BICRA: variants seen among roughly 807,000 people sequenced by gnomAD.
BICRA encodes the protein BRD4 interacting chromatin remodeling complex associated protein.
BICRA carries 31 observed loss-of-function variants against 96.9 expected under a neutral mutation model. The observed-to-expected ratio is 0.32, with a 90% CI of 0.24 to 0.43. The LOEUF (loss-of-function observed/expected upper bound fraction) is 0.43. Among genes scored for constraint, BICRA ranks in the 20% least tolerant of loss-of-function variants. The pLI is 1.00. For synonymous variants in BICRA, 1,350 were observed against 1,071.8 expected (o/e 1.26, Z -5.07); for missense variants, 2,283 against 2,190.3 (o/e 1.04, Z -0.84).
In BICRA at chr19:47,614,869, C is replaced by T. The variant is rs970067052; in HGVS notation, c.-108+5701C>T. ...GGAAGGCATACGTCCGCACATGTTACAGGGAAATGAGTACGCCTGTGGGAT... is the reference window on the plus strand; with the variant it reads ...GGAAGGCATACGTCCGCACATGTTATAGGGAAATGAGTACGCCTGTGGGAT... On this transcript the variant is annotated intron_variant, in intron 1 of 14. Transcript: ENST00000594866. 3.3e-5 allele frequency among the ~76,000 whole-genome samples: 5 copies of T among 152,272 alleles called. No homozygotes were observed. In the South Asian group the frequency reaches 8.3e-4, roughly 25 times the overall value.
chr19:47,679,038 C>CCACA (rs1568568448), intron 5 of BICRA: 1 of 291,740 alleles, frequency 3.4e-6, no homozygotes, highest in Non-Finnish European at 6.3e-6. Context: ...GTAGCTAAGA[C>CCACA]CACAGGCACA....
At position 47,698,745 on chromosome 19, in the gene BICRA, C is replaced by T. The variant is rs1973389054; in HGVS notation, c.3360C>T (p.Tyr1120=). 1 of 1,609,790 alleles carries T rather than the reference C, an allele frequency of 6.2e-7. No individual in the cohort carries two copies. The highest frequency in any genetic ancestry group is 1.3e-5 in the African/African-American group (1 of 74,838). ...ALHRLLPYHV[Y]QGALPSPSDY... is the part of the protein sequence containing the mutation. ...ATCGCCTCCTGCCCTACCATGTCTA[C>T]CAGGGCGCCCTCCCCTCCCCCAGTG... is the stretch of plus-strand genomic sequence containing the variant. The change falls in exon 12 of 15, where the codon TAC becomes TAT. Residue 1120 remains tyrosine, a synonymous_variant. Transcript: ENST00000594866. This position sits in a 1 kb window ranked among gnomAD's most constrained non-coding sequence, Gnocchi z 4.8.
chr19:47,613,365 T>C (rs756057999), intron 1 of BICRA, among the ~76,000 whole-genome samples: 3 of 152,088 alleles, frequency 2.0e-5, no homozygotes, highest in African/African-American at 4.8e-5. Context: ...GGGAAGTTAA[T>C]TGGAAACAGG....
At chr19:47,651,122 CCT>C (rs1972534189) in intron 1 of BICRA, among the ~76,000 whole-genome samples, 1 of 152,134 alleles carries the variant, frequency 6.6e-6, no homozygotes, top group Admixed American at 6.6e-5. Flanking sequence ...GTGCTTCCGT[CCT>C]CACCTTCTGC....
At chr19:47,673,656 C>G (rs1219587591) in intron 3 of BICRA, 41 bp downstream of exon 3, 1 of 1,522,376 alleles carries the variant, frequency 6.6e-7, no homozygotes, top group East Asian at 2.3e-5. Flanking sequence ...CTGTCTCAAC[C>G]CCCTCCCTTC....
At chr19:47,613,667 T>C (rs1971943010) in intron 1 of BICRA, among the ~76,000 whole-genome samples, 1 of 151,938 alleles carries the variant, frequency 6.6e-6, no homozygotes. Context: ...CTGAGCTAGC[T>C]CCCTGGTAGG....
intron 4 of BICRA, among the ~76,000 whole-genome samples, chr19:47,674,404 A>G (rs946634711): frequency 6.6e-6 from 1 of 152,190 alleles, no homozygotes; most frequent in Non-Finnish European, 1.5e-5. Flanking sequence ...CGAGAATGCC[A>G]TATTTGATTT....
Position 47,702,499 on chromosome 19 carries a change from C to T in BICRA, c.*84C>T, listed in dbSNP as rs1477204676. On this transcript the variant is annotated 3_prime_UTR_variant, in exon 15 of 15. Transcript: ENST00000594866. ...GTCCGCCCTCAGCCTCCTGGGGACT[C>T]GAGCCGGGGATCCCCTGACGGTTTT... The T allele has an allele frequency of 1.5e-6, 2 of 1,369,820 alleles. No individual in the cohort carries two copies. Among genetic ancestry groups the T allele is most frequent in the Middle Eastern group, 2.6e-4 (1 of 3,788 alleles). 84.9% of individuals were successfully genotyped at this position (1,369,820 alleles called of 1,614,324 possible).
chr19:47,692,778 C>T (rs1973260745), intron 7 of BICRA, among the ~76,000 whole-genome samples: 1 of 152,174 alleles, frequency 6.6e-6, no homozygotes, highest in Non-Finnish European at 1.5e-5. Flanking sequence ...GCTGGAAGGG[C>T]CCTGGGACTT....
chr19:47,624,531 A>G (rs1390356816), intron 1 of BICRA, among the ~76,000 whole-genome samples: 1 of 152,222 alleles, frequency 6.6e-6, no homozygotes, highest in Non-Finnish European at 1.5e-5. Flanking sequence ...CTTTATTGCT[A>G]AAATATGCTG....
rs748830195 is a variant in BICRA at position 47,694,367 on chromosome 19, C to T, written c.2536C>T (p.Pro846Ser). 3.8e-6 allele frequency: 5 copies of T among 1,317,584 alleles called. No individual in the cohort carries two copies. The highest frequency in any genetic ancestry group is 1.9e-5 in the Admixed American group (1 of 51,330). The allele number at this position is 1,317,584 out of a possible 1,614,324, so 81.6% of individuals were successfully genotyped here. ...CCAAAACCAGCTAGGCGTTCCCCCG[C>T]CTGCCAGCAACCCGGCCCCTACTGC... ...VIQNQLGVPPPASNPAPTAPG... is the reference protein window; with the variant it reads ...VIQNQLGVPPSASNPAPTAPG... The change falls in exon 8 of 15, where the codon CCT (proline) becomes TCT (serine). Residue 846 changes from proline to serine, a missense_variant. Physicochemically the swap from Pro to Ser is moderately conservative, Grantham distance 74. Coordinates refer to ENST00000594866, the MANE Select transcript of BICRA (RefSeq NM_001394372.1).
intron 1 of BICRA, among the ~76,000 whole-genome samples, chr19:47,645,651 C>A (rs1972448787): frequency 6.6e-6 from 1 of 152,232 alleles, no homozygotes; most frequent in Non-Finnish European, 1.5e-5. Context: ...GCAGATAACA[C>A]AAAAGTAGCT....
At chr19:47,676,572 C>T (rs1464277376) in intron 5 of BICRA, among the ~76,000 whole-genome samples, 6 of 98,102 alleles carry the variant, frequency 6.1e-5, no homozygotes, top group African/African-American at 2.2e-4. Flanking sequence ...CTTCGGCCTC[C>T]CCCCTCCCCG....
In BICRA at chr19:47,680,995, G is replaced by A; in HGVS notation, c.1825G>A (p.Ala609Thr). The A allele has an allele frequency of 6.8e-7, 1 of 1,460,912 alleles. No individual in the cohort carries two copies. Among genetic ancestry groups the A allele is most frequent in the Non-Finnish European group, 9.0e-7 (1 of 1,115,752 alleles). The allele number at this position is 1,460,912 out of a possible 1,614,324, so 90.5% of individuals were successfully genotyped here. ...PDGLVQPATP[A>T]AATGEAAPVL... ...CGGCCTGGTGCAGCCGGCCACCCCT[G>A]CCGCTGCCACCGGGGAGGCCGCGCC... The change falls in exon 6 of 15, where the codon GCC becomes ACC. Residue 609 changes from alanine (A) to threonine (T), a missense_variant. Physicochemically the swap from Ala to Thr is moderately conservative, Grantham distance 58 (BLOSUM62 0). Transcript: ENST00000594866.
intron 1 of BICRA, among the ~76,000 whole-genome samples, chr19:47,611,658 G>A (rs759645531): frequency 6.6e-6 from 1 of 152,172 alleles, no homozygotes; most frequent in African/African-American, 2.4e-5. Flanking sequence ...GAACTTTCTT[G>A]CCTGTTCTCC....
intron 1 of BICRA, among the ~76,000 whole-genome samples, chr19:47,656,303 C>T (rs778212776): frequency 7.9e-5 from 12 of 152,006 alleles, no homozygotes; most frequent in Non-Finnish European, 1.6e-4. Context: ...AGAAAATACA[C>T]GTATTAGAGA....
intron 1 of BICRA, among the ~76,000 whole-genome samples, chr19:47,623,499 G>A (rs970887726): frequency 3.9e-5 from 6 of 152,160 alleles, no homozygotes; most frequent in African/African-American, 1.4e-4. Flanking sequence ...TGGGATTTTC[G>A]TCCTCCTGGT....
At chr19:47,641,984 T>G (rs889307423) in intron 1 of BICRA, among the ~76,000 whole-genome samples, 20 of 152,294 alleles carry the variant, frequency 1.3e-4, no homozygotes, top group Admixed American at 4.6e-4. Context: ...CTTAAGTCCT[T>G]TTTTGGTTAG....
At chr19:47,643,880 G>A (rs182380069) in intron 1 of BICRA, among the ~76,000 whole-genome samples, 1 of 152,118 alleles carries the variant, frequency 6.6e-6, no homozygotes, top group Non-Finnish European at 1.5e-5. Context: ...GACCTGGGGG[G>A]GTTAATTCTG....
Sources: allele counts gnomAD v4.1 joint callset (sites outside exome capture counted in the v4.1 genomes callset), GRCh38; gene constraint gnomAD v4.1.1; non-coding constraint Gnocchi (gnomAD v3.1); transcripts MANE v1.5; gene names NCBI Gene and HGNC (gene_info 2026-07-23, HGNC 2026-07-21).